Variants in ARSG observed in about 807,000 individuals in gnomAD.
The protein encoded by ARSG is ASG.
In ARSG, 37 loss-of-function variants were observed where a neutral mutation model predicts 50.5. The ratio of observed to expected loss-of-function variants is 0.73; its 90% confidence interval spans 0.56 to 0.96. The LOEUF (loss-of-function observed/expected upper bound fraction) is 0.96, where lower values mean the gene tolerates loss of function less well. Ranked by LOEUF, ARSG falls within the 50% of genes least tolerant of loss-of-function variation. The pLI is 0.00. For synonymous variants in ARSG, 225 were observed against 254.6 expected (o/e 0.88, Z 1.11); for missense variants, 629 against 675.3 (o/e 0.93, Z 0.76).
At chr17:68,424,017 A>C (rs1331838737), downstream of ARSG, among the ~76,000 whole-genome samples, 2 of 152,318 alleles carry the variant, frequency 1.3e-5, no homozygotes, top group Non-Finnish European at 1.5e-5. Flanking sequence ...TCTGACCTAG[A>C]GTGCTCTGGA....
In ARSG at chr17:68,398,491, A is replaced by T. The variant is rs1308924985; in HGVS notation, c.1213-2869A>T. 2.0e-5 allele frequency among the ~76,000 whole-genome samples: 3 copies of T among 152,188 alleles called. No homozygotes were observed. The South Asian group carries it at 6.2e-4, about 31-fold the overall frequency. Reference sequence around the variant, plus strand: ...GCATACATGTGTACATATGTATTTTAAAATAAGCACAATTTGTGTTCACCC... The same window carrying T: ...GCATACATGTGTACATATGTATTTTTAAATAAGCACAATTTGTGTTCACCC... On this transcript the variant is annotated intron_variant, in intron 10 of 11. Coordinates refer to ENST00000621439, the MANE Select transcript of ARSG (RefSeq NM_001267727.2).
chr17:68,285,205 G>A (rs2075813736), intron 1 of ARSG, among the ~76,000 whole-genome samples: 1 of 152,186 alleles, frequency 6.6e-6, no homozygotes, highest in African/African-American at 2.4e-5. Context: ...CTAAGACCAA[G>A]GTCAAATTGG....
At chr17:68,320,631 G>C (rs1555770259) in intron 2 of ARSG, among the ~76,000 whole-genome samples, 1 of 152,184 alleles carries the variant, frequency 6.6e-6, no homozygotes, top group African/African-American at 2.4e-5. Context: ...ATCTGGTACA[G>C]TGTGTCATAT....
intron 3 of ARSG, chr17:68,346,872 C>T (rs1272595844): frequency 4.2e-6 from 6 of 1,427,958 alleles, no homozygotes; most frequent in Non-Finnish European, 4.6e-6. Context: ...CTCCGGGCTC[C>T]TGGTGATGGG....
chr17:68,405,847 T>C (rs1475786422), intron 11 of ARSG, among the ~76,000 whole-genome samples: 1 of 152,224 alleles, frequency 6.6e-6, no homozygotes, highest in Non-Finnish European at 1.5e-5. Context: ...TATCTTTTGG[T>C]TACTATTTGC....
chr17:68,337,862 C>T (rs1258943558), intron 2 of ARSG, among the ~76,000 whole-genome samples: 2 of 152,122 alleles, frequency 1.3e-5, no homozygotes, highest in African/African-American at 4.8e-5. Flanking sequence ...GGTGATCCGC[C>T]TGCCTTGGCC....
intron 1 of ARSG, among the ~76,000 whole-genome samples, chr17:68,282,617 A>T (rs1228101885): frequency 1.3e-5 from 2 of 151,636 alleles, no homozygotes; most frequent in Non-Finnish European, 2.9e-5. Flanking sequence ...TGGGTAATAT[A>T]GGGAGACGCT....
intron 2 of ARSG, among the ~76,000 whole-genome samples, chr17:68,314,702 AAAAAAAT>A (rs1311892290): frequency 1.3e-5 from 2 of 152,036 alleles, no homozygotes; most frequent in Non-Finnish European, 2.9e-5. Context: ...GTGTCTCATA[AAAAAAAT>A]AAAAAATAAA....
chr17:68,356,757 T>C lies in ARSG; in HGVS notation c.657T>C (p.Leu219=). The change falls in exon 6 of 12, where the codon CTT becomes CTC. Residue 219 remains leucine, a synonymous_variant. Coordinates refer to ENST00000621439, the MANE Select transcript of ARSG (RefSeq NM_001267727.2). ...IVEQPVNLSS[L]AQKYAEKATQ... is the part of the protein sequence containing the mutation. ...AGCAGCCGGTGAACTTGAGCAGCCT[T>C]GCCCAGAAGTATGCTGAGAAAGCAA... 6.2e-7 allele frequency: 1 copy of C among 1,614,174 alleles called. No homozygotes were observed. The highest frequency in any genetic ancestry group is 8.5e-7 in the Non-Finnish European group (1 of 1,180,036).
chr17:68,429,977 TG>T, the ARSG span: 1 of 1,613,504 alleles, frequency 6.2e-7, no homozygotes. Flanking sequence ...TTGTTCAGAG[TG>T]GGTGTCATTG....
the ARSG span, chr17:68,448,262 C>T: frequency 6.6e-6 from 1 of 152,144 alleles, no homozygotes; most frequent in African/African-American, 2.4e-5. Context: ...AAGTCCCAAA[C>T]CTGAAAGTTT....
chr17:68,281,476 G>A (rs1403026554), intron 1 of ARSG, among the ~76,000 whole-genome samples: 1 of 152,130 alleles, frequency 6.6e-6, no homozygotes, highest in Non-Finnish European at 1.5e-5. Context: ...TCGCGAGGCT[G>A]AGGCAGGAGA....
At chr17:68,392,796 G>A (rs2081056260) in intron 9 of ARSG, among the ~76,000 whole-genome samples, 1 of 152,134 alleles carries the variant, frequency 6.6e-6, no homozygotes, top group Admixed American at 6.6e-5. Context: ...CACCGCACCT[G>A]GCCGCATTCA....
chr17:68,352,395 G>A (rs1268640195), intron 5 of ARSG, among the ~76,000 whole-genome samples: 4 of 151,370 alleles, frequency 2.6e-5, no homozygotes, highest in Non-Finnish European at 5.9e-5. Flanking sequence ...ATCCTAATGA[G>A]CTCTGTAACC....
intron 2 of ARSG, among the ~76,000 whole-genome samples, chr17:68,336,490 G>A (rs1049849371): frequency 6.6e-6 from 1 of 151,910 alleles, no homozygotes; most frequent in African/African-American, 2.4e-5. Context: ...GATTACAGGC[G>A]TGAACCACCA....
the ARSG span, among the ~76,000 whole-genome samples, chr17:68,437,005 A>AAATATAT: frequency 2.5e-4 from 27 of 107,264 alleles, no homozygotes; most frequent in East Asian, 2.2e-3. Flanking sequence ...AAAAAAAAAA[A>AAATATAT]ATATATATAT....
chr17:68,325,225 G>A (rs781951965), intron 2 of ARSG, among the ~76,000 whole-genome samples: 7 of 152,064 alleles, frequency 4.6e-5, no homozygotes, highest in Non-Finnish European at 8.8e-5. Context: ...GATTCTCACA[G>A]GAGTGCGAGC....
intron 5 of ARSG, among the ~76,000 whole-genome samples, chr17:68,356,215 C>G (rs2361955): frequency 0.49 from 73,784 of 152,014 alleles, 18,142 homozygotes; most frequent in Admixed American, 0.55. Flanking sequence ...GACAGACCTG[C>G]TATTACATGA....
chr17:68,259,791 T>C (rs1188779380), intron 1 of ARSG, among the ~76,000 whole-genome samples: 2 of 152,218 alleles, frequency 1.3e-5, no homozygotes, highest in African/African-American at 4.8e-5. Flanking sequence ...AACAGCCCCA[T>C]GTGGCTTGTG....
Sources: gnomAD v4.1 joint callset for allele counts (sites outside exome capture counted in the v4.1 genomes callset) on GRCh38, gnomAD v4.1.1 for gene constraint, MANE v1.5 for transcripts, NCBI Gene and HGNC (gene_info 2026-07-23, HGNC 2026-07-21) for gene names.